Variants in FAM135B observed in about 807,000 individuals in gnomAD.
FAM135B encodes family with sequence similarity 135 member B.
Under a neutral mutation model 127.7 loss-of-function variants are expected in FAM135B, and 43 were observed. That is an observed-to-expected ratio of 0.34 (90% CI 0.26 to 0.43). The LOEUF (loss-of-function observed/expected upper bound fraction) is 0.43. Ranked by LOEUF, FAM135B falls within the 20% of genes least tolerant of loss-of-function variation. FAM135B has a pLI of 1.00. For missense variants in FAM135B, 1,558 were observed against 1,725.6 expected (o/e 0.90, Z 1.72); for synonymous variants, 670 against 665.1 (o/e 1.01, Z -0.11).
intron 1 of FAM135B, among the ~76,000 whole-genome samples, chr8:138,382,183 G>A (rs1402016037): frequency 1.3e-5 from 2 of 152,044 alleles, no homozygotes; most frequent in Non-Finnish European, 2.9e-5. Context: ...ACACTCCAAG[G>A]CCTGCCCTCC....
At chr8:138,264,728 A>G (rs2130618880) in intron 4 of FAM135B, among the ~76,000 whole-genome samples, 1 of 152,284 alleles carries the variant, frequency 6.6e-6, no homozygotes, top group South Asian at 2.1e-4. Context: ...CAGCTTTTCA[A>G]TTTTAGCCAC....
At chr8:138,286,775 C>G (rs573047175) in intron 3 of FAM135B, among the ~76,000 whole-genome samples, 2 of 152,322 alleles carry the variant, frequency 1.3e-5, no homozygotes, top group African/African-American at 4.8e-5. Flanking sequence ...CCAAGGCACA[C>G]TCAGTCAGCA....
At chr8:138,205,172 T>G (rs1586766297) in intron 7 of FAM135B, among the ~76,000 whole-genome samples, 1 of 152,224 alleles carries the variant, frequency 6.6e-6, no homozygotes, top group Admixed American at 6.5e-5. Flanking sequence ...TTATGTGTAT[T>G]AAGCATTTAA....
chr8:138,238,220 G>GA (rs925252550), intron 7 of FAM135B, among the ~76,000 whole-genome samples: 2 of 152,226 alleles, frequency 1.3e-5, no homozygotes, highest in African/African-American at 4.8e-5. Context: ...ATAAATGACA[G>GA]AAAAAAATAA....
intron 7 of FAM135B, among the ~76,000 whole-genome samples, chr8:138,226,256 G>A (rs1389600851): frequency 2.0e-5 from 3 of 150,404 alleles, no homozygotes; most frequent in Non-Finnish European, 4.4e-5. Context: ...TGAACACTAT[G>A]GTAGGTCATG....
In FAM135B at chr8:138,151,320, G is replaced by A. The variant is rs2130724623; in HGVS notation, c.3155C>T (p.Pro1052Leu). The A allele has an allele frequency of 6.2e-7, 1 of 1,614,044 alleles. No homozygotes were observed. The highest frequency in any genetic ancestry group is 8.5e-7 in the Non-Finnish European group (1 of 1,180,012). Residue 1052 changes from proline (P) to leucine (L), a missense_variant, in exon 13 of 20, where the codon CCT becomes CTT. By Grantham distance (98) the Pro-to-Leu change is moderately conservative. Around this residue, in one of 5 missense-constraint regions of FAM135B, gnomAD observed 923 missense variants for 865.3 expected, o/e 1.07. Coordinates refer to ENST00000395297, the MANE Select transcript of FAM135B (RefSeq NM_015912.4). The stretch of plus-strand genomic sequence containing the variant: ...TTTGGAAGAGAATCCAGCCCTGGCA[G>A]GGGTCTCCTTGGGCACAGATGAGAA... ...LPFSSVPKET[P>L]ARAGFSSKQT...
chr8:138,262,466 C>G (rs1822603490), intron 4 of FAM135B, among the ~76,000 whole-genome samples: 1 of 152,124 alleles, frequency 6.6e-6, no homozygotes, highest in Non-Finnish European at 1.5e-5. Flanking sequence ...TATTACCACT[C>G]TAGGCAACCT....
At chr8:138,147,788 A>T (rs953666862) in intron 14 of FAM135B, among the ~76,000 whole-genome samples, 10 of 151,326 alleles carry the variant, frequency 6.6e-5, no homozygotes, top group Admixed American at 2.0e-4. Flanking sequence ...GGAAAAAAAA[A>T]TTGCCTATAA....
intron 1 of FAM135B, among the ~76,000 whole-genome samples, chr8:138,375,654 T>C (rs374108303): frequency 5.3e-5 from 8 of 152,306 alleles, no homozygotes; most frequent in Admixed American, 6.5e-5. Context: ...GAGTGTTTCA[T>C]TTTGAATTTT....
At chr8:138,303,523 G>A (rs184957125) in intron 3 of FAM135B, among the ~76,000 whole-genome samples, 1 of 152,160 alleles carries the variant, frequency 6.6e-6, no homozygotes, top group East Asian at 1.9e-4. Flanking sequence ...GGTAGGTGCG[G>A]CAAACCACCA....
rs1820739951 is a variant in FAM135B, at chr8:138,241,192, T to C, written c.669+1750A>G. 1.3e-5 allele frequency among the ~76,000 whole-genome samples: 2 copies of C among 152,130 alleles called. No homozygotes were observed. Among genetic ancestry groups the C allele is most frequent in the African/African-American group, 4.8e-5 (2 of 41,408 alleles). ...AGCAAAGGACCCACAGCAGGGACAG[T>C]CCAATGACATGCTACAGGGCTCACT... On this transcript the variant is annotated intron_variant, in intron 7 of 19. Coordinates refer to ENST00000395297, the MANE Select transcript of FAM135B (RefSeq NM_015912.4). This position sits in a 1 kb window ranked among gnomAD's most constrained non-coding sequence, Gnocchi z 4.8.
intron 9 of FAM135B, among the ~76,000 whole-genome samples, chr8:138,186,747 G>A (rs1471190512): frequency 5.3e-5 from 8 of 152,300 alleles, no homozygotes; most frequent in Admixed American, 2.0e-4. Flanking sequence ...TTGGGGCACC[G>A]CCCTAGAAGA....
intron 1 of FAM135B, among the ~76,000 whole-genome samples, chr8:138,474,814 G>C (rs1040312000): frequency 6.6e-5 from 10 of 152,088 alleles, no homozygotes; most frequent in African/African-American, 2.4e-4. Flanking sequence ...ATGAAGGTTC[G>C]GTCTGGACTC....
At chr8:138,229,383 A>G (rs894576041) in intron 7 of FAM135B, among the ~76,000 whole-genome samples, 3 of 152,098 alleles carry the variant, frequency 2.0e-5, no homozygotes, top group Non-Finnish European at 4.4e-5. Context: ...ACAGATGTTA[A>G]TGATGTCTTG....
chr8:138,159,011 G>A (rs989440640), intron 12 of FAM135B, among the ~76,000 whole-genome samples: 4 of 151,552 alleles, frequency 2.6e-5, no homozygotes, highest in African/African-American at 9.7e-5. Context: ...GGTGGCTCAC[G>A]CCTGTAATCC....
At position 138,310,928 on chromosome 8, in the gene FAM135B, A is replaced by T. The variant is rs1055547881; in HGVS notation, c.78-8T>A. ...ACTCGGATCTGGTAATACCTAAGAA[A>T]AGAGAAGAGGACAGGGTGCTGAAGA... On this transcript the variant is annotated splice_region_variant and splice_polypyrimidine_tract_variant and intron_variant, in intron 2 of 19. Coordinates refer to ENST00000395297, the MANE Select transcript of FAM135B (RefSeq NM_015912.4). 1.2e-6 allele frequency: 2 copies of T among 1,610,212 alleles called. No individual in the cohort carries two copies. The highest frequency in any genetic ancestry group is 1.7e-6 in the Non-Finnish European group (2 of 1,178,010).
rs1321133355 is a variant in FAM135B, at chr8:138,146,033, G to A, written c.3466C>T (p.Arg1156Trp). 2.1e-5 allele frequency: 33 copies of A among 1,604,290 alleles called. No individual in the cohort carries two copies. Among genetic ancestry groups the A allele is most frequent in the Non-Finnish European group, 2.6e-5 (30 of 1,171,288 alleles). ...HGLDGNSADL[R>W]LVKTFIELGL... is the part of the protein sequence containing the mutation. ...AGTTCTATGAAAGTCTTTACCAGCC[G>A]GAGGTCTGCACTGTTCCCTAAAAAT... Residue 1156 changes from arginine (R) to tryptophan (W), a missense_variant, in exon 15 of 20, where the codon CGG becomes TGG. By Grantham distance (101) the Arg-to-Trp change is moderately radical. This residue lies in a region of FAM135B where 194 missense variants were observed against 333.8 expected (regional missense o/e 0.58). Coordinates refer to ENST00000395297, the MANE Select transcript of FAM135B (RefSeq NM_015912.4).
chr8:138,319,526 G>A (rs1389758190), intron 2 of FAM135B, among the ~76,000 whole-genome samples: 2 of 152,170 alleles, frequency 1.3e-5, no homozygotes, highest in Admixed American at 6.5e-5. Context: ...AAAATAAGAT[G>A]GGCCATTGGT....
intron 1 of FAM135B, chr8:138,459,513 AAC>A (rs1837002709): frequency 6.6e-6 from 1 of 152,212 alleles, no homozygotes. Context: ...ATGCCTTATC[AAC>A]AGTCTCAAGG....
Sources: allele counts gnomAD v4.1 joint callset (sites outside exome capture counted in the v4.1 genomes callset), GRCh38; gene constraint gnomAD v4.1.1; regional missense constraint gnomAD v4.1.1; non-coding constraint Gnocchi (gnomAD v3.1); transcripts MANE v1.5; gene names NCBI Gene and HGNC (gene_info 2026-07-23, HGNC 2026-07-21).